The following GALNT9 variants were observed in gnomAD, a reference collection of about 807,000 sequenced individuals.
GALNT9 encodes the protein GalNAc transferase 9.
Under a neutral mutation model 63.1 loss-of-function variants are expected in GALNT9, and 47 were observed. The ratio of observed to expected loss-of-function variants is 0.75; its 90% confidence interval spans 0.59 to 0.95. The LOEUF is 0.95. GALNT9 is among the 40% of genes least tolerant of loss of function. The pLI is 0.00. For missense variants in GALNT9, 829 were observed against 874.8 expected (o/e 0.95, Z 0.66); for synonymous variants, 396 against 365.7 (o/e 1.08, Z -0.94).
At chr12:132,228,690 G>C (rs1877792135) in intron 6 of GALNT9, among the ~76,000 whole-genome samples, 1 of 152,142 alleles carries the variant, frequency 6.6e-6, no homozygotes, top group Admixed American at 6.5e-5. Context: ...TGTGCAAGAG[G>C]AGGTTTTCCT....
At chr12:132,222,332 C>A (rs1307488555) in intron 6 of GALNT9, among the ~76,000 whole-genome samples, 1 of 152,162 alleles carries the variant, frequency 6.6e-6, no homozygotes, top group African/African-American at 2.4e-5. Context: ...GGCCCCAGCA[C>A]TTGGGGAGGC....
Position 132,265,509 on chromosome 12 carries a change from C to T in GALNT9, c.420-2884G>A, listed in dbSNP as rs1555240113. 6.6e-6 allele frequency among the ~76,000 whole-genome samples: 1 copy of T among 152,176 alleles called. No individual in the cohort carries two copies. The highest frequency in any genetic ancestry group is 2.4e-5 in the African/African-American group (1 of 41,452). ...ATTGAGTTAGGGATCCTGAGATGAG[C>T]TTGAGGCAGGATCGGTAGGATGAGG... On this transcript the variant is annotated intron_variant, in intron 2 of 10. Transcript: ENST00000328957. This position sits in a 1 kb window ranked among gnomAD's most constrained non-coding sequence, Gnocchi z 5.3.
At chr12:132,198,265 T>G (rs1389194743) in intron 9 of GALNT9, among the ~76,000 whole-genome samples, 2 of 152,196 alleles carry the variant, frequency 1.3e-5, no homozygotes, top group African/African-American at 4.8e-5. Flanking sequence ...CCCACTCGTT[T>G]CGGGGAGGAC....
chr12:132,299,555 C>G (rs1881214183), intron 1 of GALNT9, among the ~76,000 whole-genome samples: 1 of 135,516 alleles, frequency 7.4e-6, no homozygotes, highest in South Asian at 2.8e-4. Flanking sequence ...GATAACTAAG[C>G]CACTGCTGAG....
chr12:132,248,125 C>T, intron 5 of GALNT9, 98 bp from the exon 6 acceptor site: 2 of 1,461,384 alleles, frequency 1.4e-6, no homozygotes, highest in Non-Finnish European at 9.1e-7. Context: ...CCCCACCACC[C>T]CTCCCTCCTG....
chr12:132,258,835 C>T (rs551176482), intron 4 of GALNT9, among the ~76,000 whole-genome samples: 10 of 152,328 alleles, frequency 6.6e-5, no homozygotes, highest in East Asian at 1.9e-4. Flanking sequence ...GAGATGGCCG[C>T]AGAGGCCCGC....
Position 132,286,472 on chromosome 12 carries a change from ACGCTG to A in GALNT9, c.239-47_239-43del. Reference sequence around the variant, plus strand: ...GAGGGAGGTCAGGCAGGCCCAGGACACGCTGCGTCTGCACCCAGGAGACGCCCCTC... The same window carrying A: ...GAGGGAGGTCAGGCAGGCCCAGGACACGTCTGCACCCAGGAGACGCCCCTC... On this transcript the variant is annotated intron_variant, in intron 1 of 10. Coordinates refer to ENST00000328957, the MANE Select transcript of GALNT9 (RefSeq NM_001122636.2). The surrounding 1 kb of genome is among the most constrained non-coding windows in gnomAD (Gnocchi z 7.4). 1 of 1,520,460 alleles carries A rather than the reference ACGCTG, an allele frequency of 6.6e-7. No homozygotes were observed. The highest frequency in any genetic ancestry group is 1.2e-5 in the South Asian group (1 of 80,388). The allele number at this position is 1,520,460 out of a possible 1,614,324, so 94.2% of individuals were successfully genotyped here. A position where few individuals can be genotyped will look rare whatever the true frequency, so the allele number is the denominator to read the frequency against.
intron 9 of GALNT9, among the ~76,000 whole-genome samples, chr12:132,198,232 G>A (rs1875689294): frequency 6.6e-6 from 1 of 152,258 alleles, no homozygotes; most frequent in East Asian, 1.9e-4. Flanking sequence ...CGTCATGAAT[G>A]TGGCTCAGAC....
At chr12:132,240,398 C>T (rs1824110655) in intron 6 of GALNT9, 1 of 352,686 alleles carries the variant, frequency 2.8e-6, no homozygotes, top group Admixed American at 3.8e-5. Flanking sequence ...GTGAAAGGGA[C>T]CCTTTGGCTT....
chr12:132,246,683 C>T lies in GALNT9; in HGVS notation c.1077+1227G>A, dbSNP rs141573868. Among the ~76,000 whole-genome samples, 109 of 152,348 alleles carry T rather than the reference C, an allele frequency of 7.2e-4. No individual in the cohort carries two copies. Among genetic ancestry groups the T allele is most frequent in the African/African-American group, 2.6e-3 (107 of 41,572 alleles). On this transcript the variant is annotated intron_variant, in intron 6 of 10. Transcript: ENST00000328957. The surrounding 1 kb of genome is among the most constrained non-coding windows in gnomAD (Gnocchi z 4.7). Reference sequence around the variant, plus strand: ...GAGTAGCTGGGATTATAGGCATGCACCACCATGCCTGGTTAATTTTTGTAT... The same window carrying T: ...GAGTAGCTGGGATTATAGGCATGCATCACCATGCCTGGTTAATTTTTGTAT...
chr12:132,277,034 T>TAC (rs145065264), intron 2 of GALNT9, among the ~76,000 whole-genome samples: 2,250 of 151,260 alleles, frequency 0.015, 56 homozygotes, highest in African/African-American at 0.05. Context: ...CATGCACACA[T>TAC]ACACACACAC....
At chr12:132,260,881 G>A (rs560192468) in intron 4 of GALNT9, 67 bp downstream of exon 4, 42 of 1,449,822 alleles carry the variant, frequency 2.9e-5, no homozygotes, top group East Asian at 2.6e-4. Context: ...GCCGCACGGC[G>A]GCTTAGGAGG....
At position 132,286,324 on chromosome 12, in the gene GALNT9, C is replaced by T. The variant is rs1231831552; in HGVS notation, c.345G>A (p.Glu115=). The change falls in exon 2 of 11, where the codon GAG becomes GAA. Residue 115 remains glutamate (E), a synonymous_variant. Transcript: ENST00000328957. This position sits in a 1 kb window ranked among gnomAD's most constrained non-coding sequence, Gnocchi z 7.4. The part of the protein sequence containing the change: ...DDGQEAEGKY[E]EYGYNAQLSD... ...TGAGCTGAGCGTTGTAGCCGTACTC[C>T]TCATACTTGCCTTCCGCCTCCTGGC... The T allele has an allele frequency of 1.3e-6, 2 of 1,551,176 alleles. No individual in the cohort carries two copies. Among genetic ancestry groups the T allele is most frequent in the Non-Finnish European group, 1.7e-6 (2 of 1,146,922 alleles).
At chr12:132,225,671 C>CCACACACTGTACGTACACACCCCATA (rs1201380702) in intron 6 of GALNT9, among the ~76,000 whole-genome samples, 1 of 141,798 alleles carries the variant, frequency 7.1e-6, no homozygotes, top group African/African-American at 2.6e-5. Flanking sequence ...CACACACACT[C>CCACACACTGTACGTACACACCCCATA]CACACACTGT....
chr12:132,224,800 ACC>A (rs1877584619), intron 6 of GALNT9, among the ~76,000 whole-genome samples: 1 of 128,102 alleles, frequency 7.8e-6, no homozygotes, highest in Admixed American at 7.8e-5. Flanking sequence ...TCATACACAC[ACC>A]CCACACACAT....
intron 1 of GALNT9, among the ~76,000 whole-genome samples, chr12:132,324,847 C>A (rs1868967525): frequency 6.6e-6 from 1 of 152,228 alleles, no homozygotes; most frequent in Admixed American, 6.5e-5. Context: ...AGGTCTGGGA[C>A]CCCACTGTGG....
intron 2 of GALNT9, among the ~76,000 whole-genome samples, chr12:132,264,240 G>A (rs1363962392): frequency 6.6e-6 from 1 of 152,264 alleles, no homozygotes; most frequent in Non-Finnish European, 1.5e-5. Flanking sequence ...AGGTTTGAGA[G>A]ATGGACGCAG....
chr12:132,324,146 A>T (rs1233560930), intron 1 of GALNT9, among the ~76,000 whole-genome samples: 1 of 152,196 alleles, frequency 6.6e-6, no homozygotes, highest in African/African-American at 2.4e-5. Context: ...CGTTTCCAAA[A>T]TGGAAACGCT....
At chr12:132,306,792 A>G (rs1360064724) in intron 1 of GALNT9, among the ~76,000 whole-genome samples, 1 of 152,192 alleles carries the variant, frequency 6.6e-6, no homozygotes, top group East Asian at 1.9e-4. Flanking sequence ...CACTGCGGTA[A>G]TGGAAAAGAT....
Sources: gnomAD v4.1 joint callset for allele counts (sites outside exome capture counted in the v4.1 genomes callset) on GRCh38, gnomAD v4.1.1 for gene constraint, Gnocchi (gnomAD v3.1) non-coding constraint, MANE v1.5 for transcripts, NCBI Gene and HGNC (gene_info 2026-07-23, HGNC 2026-07-21) for gene names.